Variants in KCNMB2 observed in about 807,000 individuals in gnomAD.
KCNMB2 encodes calcium-activated potassium channel subunit beta-2.
A neutral mutation model predicts 24.5 loss-of-function variants in KCNMB2; 9 were observed. That is an observed-to-expected ratio of 0.37 (90% CI 0.22 to 0.64). KCNMB2 has a LOEUF of 0.64. Among genes scored for constraint, KCNMB2 ranks in the 30% least tolerant of loss-of-function variants. The pLI is 0.63. For synonymous variants in KCNMB2, 109 were observed against 104.4 expected, an observed-to-expected ratio of 1.04 and a Z score of -0.27; for missense variants, 226 against 284.3, an observed-to-expected ratio of 0.79 and a Z score of 1.47.
chr3:178,613,563 T>C (rs1718571518), intron 1 of KCNMB2, among the ~76,000 whole-genome samples: 1 of 152,172 alleles, frequency 6.6e-6, no homozygotes, highest in Admixed American at 6.5e-5. Context: ...TGGGAAAGTC[T>C]TTATTTCTCC....
intron 1 of KCNMB2, among the ~76,000 whole-genome samples, chr3:178,662,021 A>C (rs1180675893): frequency 6.6e-6 from 1 of 152,226 alleles, no homozygotes; most frequent in Non-Finnish European, 1.5e-5. Context: ...ACTAGAAATT[A>C]AACAATCTGC....
intron 1 of KCNMB2, among the ~76,000 whole-genome samples, chr3:178,586,421 T>A (rs1031203804): frequency 2.0e-5 from 3 of 151,646 alleles, no homozygotes; most frequent in African/African-American, 7.3e-5. Flanking sequence ...TATTTTAGCA[T>A]AAAATAAATC....
intron 4 of KCNMB2, 61 bp from the exon 5 acceptor site, chr3:178,842,592 C>A: frequency 8.9e-7 from 1 of 1,119,888 alleles, no homozygotes; most frequent in South Asian, 1.4e-5. Context: ...TACTCCACCC[C>A]CTCCTAGAGT....
At chr3:178,839,281 T>C (rs888223313) in intron 4 of KCNMB2, among the ~76,000 whole-genome samples, 2 of 151,894 alleles carry the variant, frequency 1.3e-5, no homozygotes, top group Non-Finnish European at 2.9e-5. Flanking sequence ...AGATAGCTTT[T>C]TTAATTAAAA....
At chr3:178,587,612 T>A (rs931501219) in intron 1 of KCNMB2, among the ~76,000 whole-genome samples, 2 of 150,316 alleles carry the variant, frequency 1.3e-5, no homozygotes. Context: ...GTTTTTTTTT[T>A]TTTTTGTATT....
intron 1 of KCNMB2, among the ~76,000 whole-genome samples, chr3:178,624,962 G>A (rs547582122): frequency 2.6e-5 from 4 of 152,266 alleles, no homozygotes; most frequent in African/African-American, 9.6e-5. Flanking sequence ...GCAGGGCAGG[G>A]GAGGAAGATA....
At chr3:178,650,111 A>T (rs1421003390) in intron 1 of KCNMB2, among the ~76,000 whole-genome samples, 2 of 152,174 alleles carry the variant, frequency 1.3e-5, no homozygotes, top group Non-Finnish European at 2.9e-5. Context: ...CCCAGTAGTC[A>T]TTCAGGAGTA....
At chr3:178,706,839 C>T (rs1722293435) in intron 1 of KCNMB2, among the ~76,000 whole-genome samples, 1 of 152,110 alleles carries the variant, frequency 6.6e-6, no homozygotes, top group African/African-American at 2.4e-5. Context: ...GTTAGCTTGA[C>T]TTATTTACCA....
intron 1 of KCNMB2, among the ~76,000 whole-genome samples, chr3:178,762,130 C>T (rs1313435754): frequency 6.6e-6 from 1 of 152,164 alleles, no homozygotes; most frequent in Non-Finnish European, 1.5e-5. Flanking sequence ...GAGATCGCAC[C>T]ACTGCACTCC....
chr3:178,733,884 C>T (rs1723234481), intron 1 of KCNMB2, among the ~76,000 whole-genome samples: 1 of 152,066 alleles, frequency 6.6e-6, no homozygotes, highest in African/African-American at 2.4e-5. Flanking sequence ...TGTAGTAATG[C>T]AAGTAAGAAA....
At chr3:178,552,915 A>G (rs1560106554) in intron 1 of KCNMB2, among the ~76,000 whole-genome samples, 1 of 152,210 alleles carries the variant, frequency 6.6e-6, no homozygotes. Context: ...TAACTAGTGC[A>G]GAGTTTGATG....
chr3:178,654,100 G>A (rs1720233929), intron 1 of KCNMB2, among the ~76,000 whole-genome samples: 1 of 152,094 alleles, frequency 6.6e-6, no homozygotes, highest in Middle Eastern at 3.4e-3. Context: ...CCAGAAATTT[G>A]TCCATTTTAT....
chr3:178,704,279 T>C (rs1722204146), intron 1 of KCNMB2, among the ~76,000 whole-genome samples: 2 of 152,008 alleles, frequency 1.3e-5, no homozygotes, highest in Admixed American at 6.6e-5. Context: ...GGTCAACTAA[T>C]AAGAGATAGT....
intron 1 of KCNMB2, among the ~76,000 whole-genome samples, chr3:178,773,809 C>G (rs1712473543): frequency 6.6e-6 from 1 of 152,190 alleles, no homozygotes; most frequent in Admixed American, 6.5e-5. Context: ...ATTTCAGCCA[C>G]AGACCAAATG....
intron 1 of KCNMB2, among the ~76,000 whole-genome samples, chr3:178,545,050 C>T (rs1180929446): frequency 2.0e-5 from 3 of 152,088 alleles, no homozygotes; most frequent in African/African-American, 7.2e-5. Context: ...TTTAGGGTTC[C>T]AGAAACCACA....
At chr3:178,545,757 G>T (rs1715752216) in intron 1 of KCNMB2, among the ~76,000 whole-genome samples, 1 of 143,188 alleles carries the variant, frequency 7.0e-6, no homozygotes, top group Non-Finnish European at 1.6e-5. Context: ...ACTATTGGTT[G>T]TCTCTGGATT....
chr3:178,689,872 T>C (rs561110065), intron 1 of KCNMB2, among the ~76,000 whole-genome samples: 2 of 152,194 alleles, frequency 1.3e-5, no homozygotes, highest in African/African-American at 2.4e-5. Context: ...ACAATATTAC[T>C]GTGGAAACTT....
intron 2 of KCNMB2, among the ~76,000 whole-genome samples, chr3:178,810,996 C>T (rs760287907): frequency 6.6e-6 from 1 of 151,386 alleles, no homozygotes; most frequent in Non-Finnish European, 1.5e-5. Context: ...TCGTGATCCG[C>T]CCACCTCAGC....
intron 1 of KCNMB2, among the ~76,000 whole-genome samples, chr3:178,735,556 A>T (rs73049730): frequency 6.6e-6 from 1 of 152,202 alleles, no homozygotes; most frequent in Non-Finnish European, 1.5e-5. Context: ...CAGCTCCTTC[A>T]CAACTCACTG....
Sources: allele counts gnomAD v4.1 joint callset (sites outside exome capture counted in the v4.1 genomes callset), GRCh38; gene constraint gnomAD v4.1.1; transcripts MANE v1.5; gene names NCBI Gene and HGNC (gene_info 2026-07-23, HGNC 2026-07-21).